RSPO4: variants seen among roughly 807,000 people sequenced by gnomAD.
The protein encoded by RSPO4 is R-spondin 4.
Under a neutral mutation model 24.8 loss-of-function variants are expected in RSPO4, and 23 were observed. The observed-to-expected ratio is 0.93, with a 90% confidence interval of 0.67 to 1.31. The LOEUF (loss-of-function observed/expected upper bound fraction) is 1.31. Ranked by LOEUF, RSPO4 falls within the 40% of genes most tolerant of loss-of-function variation. The pLI is 0.00. For synonymous variants in RSPO4, 141 were observed against 127.4 expected, an observed-to-expected ratio of 1.11 and a Z score of -0.72; for missense variants, 333 against 316.5, an observed-to-expected ratio of 1.05 and a Z score of -0.39.
At chr20:979,613 G>T (rs1386090166) in intron 1 of RSPO4, among the ~76,000 whole-genome samples, 47 of 151,934 alleles carry the variant, frequency 3.1e-4, no homozygotes, top group Admixed American at 3.1e-3. Flanking sequence ...CCCAAGATAT[G>T]TAAGCCCTGG....
chr20:982,852 G>A (rs919815717), intron 1 of RSPO4, among the ~76,000 whole-genome samples: 3 of 152,244 alleles, frequency 2.0e-5, no homozygotes, highest in Non-Finnish European at 4.4e-5. Flanking sequence ...GATGGTAGCA[G>A]AGGCCTCTCG....
intron 3 of RSPO4, among the ~76,000 whole-genome samples, 193 bp downstream of exon 3, chr20:966,981 C>T (rs373165677): frequency 1.7e-4 from 26 of 152,346 alleles, no homozygotes; most frequent in South Asian, 1.7e-3. Context: ...ATAGTAATGG[C>T]GGTTATGTTG....
intron 1 of RSPO4, among the ~76,000 whole-genome samples, chr20:975,156 G>A (rs1281901444): frequency 6.6e-6 from 1 of 152,162 alleles, no homozygotes; most frequent in Non-Finnish European, 1.5e-5. Flanking sequence ...CGGTGGAGCA[G>A]CGCTGCTTTG....
chr20:989,224 G>T (rs1445131235), intron 1 of RSPO4, among the ~76,000 whole-genome samples: 3 of 152,112 alleles, frequency 2.0e-5, no homozygotes, highest in Non-Finnish European at 4.4e-5. Context: ...CCCAGCCCCT[G>T]GAAGTAGAGA....
rs1555795870 is a variant in RSPO4, at chr20:970,843, G to GT, written c.80-2706dup. Among the ~76,000 whole-genome samples the GT allele has an allele frequency of 6.6e-6, 1 of 152,004 alleles. No homozygotes were observed. The highest frequency in any genetic ancestry group is 1.9e-4 in the East Asian group (1 of 5,194). On this transcript the variant is annotated intron_variant, in intron 1 of 4. Transcript: ENST00000217260. The surrounding 1 kb of genome is among the most constrained non-coding windows in gnomAD (Gnocchi z 4.1). The stretch of plus-strand genomic sequence containing the variant: ...TCTTTTTGTGTTAAAAAGTTTTTTT[G>GT]TTTGTTTTGTTTTGTTAAGACAGGA...
At chr20:995,860 T>C (rs540523970) in intron 1 of RSPO4, among the ~76,000 whole-genome samples, 8 of 152,308 alleles carry the variant, frequency 5.3e-5, no homozygotes, top group Admixed American at 3.3e-4. Context: ...ATGGTATCAG[T>C]AGACACAGTA....
At chr20:994,379 C>T (rs6056485) in intron 1 of RSPO4, among the ~76,000 whole-genome samples, 132,843 of 152,108 alleles carry the variant, frequency 0.87, 58,438 homozygotes, top group East Asian at 1. Flanking sequence ...CCATGATGGC[C>T]CCGTGGCTTG....
chr20:987,055 C>T (rs529430912), intron 1 of RSPO4, among the ~76,000 whole-genome samples: 4 of 152,186 alleles, frequency 2.6e-5, no homozygotes, highest in Non-Finnish European at 5.9e-5. Flanking sequence ...CAGCATTTTA[C>T]AGGAAGTGTC....
At chr20:987,855 A>G (rs1438249334) in intron 1 of RSPO4, among the ~76,000 whole-genome samples, 2 of 152,214 alleles carry the variant, frequency 1.3e-5, no homozygotes, top group Non-Finnish European at 2.9e-5. Context: ...CCTTCCACAG[A>G]TATTTATTGA....
At chr20:989,915 G>T (rs2122259581) in intron 1 of RSPO4, among the ~76,000 whole-genome samples, 1 of 152,352 alleles carries the variant, frequency 6.6e-6, no homozygotes, top group South Asian at 2.1e-4. Context: ...CTAGGCTAAT[G>T]CTGGCTGAGT....
intron 3 of RSPO4, 51 bp downstream of exon 3, chr20:967,123 G>C (rs374882912): frequency 1.3e-6 from 2 of 1,574,586 alleles, no homozygotes; most frequent in Admixed American, 3.4e-5. Flanking sequence ...CCAAGCCCCC[G>C]CTCCAGGGAG....
intron 1 of RSPO4, among the ~76,000 whole-genome samples, chr20:987,689 GC>G (rs1984964207): frequency 6.6e-6 from 1 of 152,184 alleles, no homozygotes; most frequent in African/African-American, 2.4e-5. Context: ...TACTCAGGAG[GC>G]TGAGGTGGGA....
chr20:970,449 A>G lies in RSPO4; in HGVS notation c.80-2311T>C, dbSNP rs1216091917. 1.3e-5 allele frequency among the ~76,000 whole-genome samples: 2 copies of G among 152,096 alleles called. No homozygotes were observed. Among genetic ancestry groups the G allele is most frequent in the African/African-American group, 4.8e-5 (2 of 41,406 alleles). ...GGTCGTACGGAAGCACACAGTAACTAAAGTGTACCCTGGGATGCTGTTCCC... is the reference window on the plus strand; with the variant it reads ...GGTCGTACGGAAGCACACAGTAACTGAAGTGTACCCTGGGATGCTGTTCCC... On this transcript the variant is annotated intron_variant, in intron 1 of 4. Coordinates refer to ENST00000217260, the MANE Select transcript of RSPO4 (RefSeq NM_001029871.4). This position sits in a 1 kb window ranked among gnomAD's most constrained non-coding sequence, Gnocchi z 4.1.
At chr20:979,240 T>C (rs1984661511) in intron 1 of RSPO4, among the ~76,000 whole-genome samples, 1 of 152,164 alleles carries the variant, frequency 6.6e-6, no homozygotes, top group South Asian at 2.1e-4. Flanking sequence ...ATCCTCCATG[T>C]TCCCCATCTG....
chr20:968,837 G>GA (rs970617076), intron 1 of RSPO4, among the ~76,000 whole-genome samples: 2 of 152,188 alleles, frequency 1.3e-5, no homozygotes, highest in Admixed American at 1.3e-4. Context: ...TTTTTAAGGA[G>GA]AAAATTTTTT....
intron 1 of RSPO4, among the ~76,000 whole-genome samples, 199 bp downstream of exon 1, chr20:1,001,887 T>C (rs1985475743): frequency 6.6e-6 from 1 of 152,116 alleles, no homozygotes; most frequent in Non-Finnish European, 1.5e-5. Flanking sequence ...TGGCCCACCC[T>C]ACTCAATGGC....
At chr20:967,380 C>T in intron 2 of RSPO4, 66 bp from the exon 3 acceptor site, 1 of 1,578,566 alleles carries the variant, frequency 6.3e-7, no homozygotes, top group Non-Finnish European at 8.7e-7. Flanking sequence ...CTGGGTCTGC[C>T]CGAGGTGGAA....
chr20:996,834 C>G (rs73604104), intron 1 of RSPO4, among the ~76,000 whole-genome samples: 10,625 of 151,246 alleles, frequency 0.07, 418 homozygotes, highest in East Asian at 0.14. Flanking sequence ...GCCACGCAGT[C>G]CCTTGTCCCC....
Position 1,000,148 on chromosome 20 carries a change from C to A in RSPO4, c.79+1938G>T, listed in dbSNP as rs370087606. ...CCTCCCAAAGTGCTGGTATTACAGG[C>A]GTGAGCCACCACACCTGGCCTAAAC... is the stretch of plus-strand genomic sequence containing the variant. On this transcript the variant is annotated intron_variant, in intron 1 of 4. Coordinates refer to ENST00000217260, the MANE Select transcript of RSPO4 (RefSeq NM_001029871.4). Among the ~76,000 whole-genome samples the A allele has an allele frequency of 3.9e-4, 60 of 152,218 alleles. 1 individual carries two copies. The South Asian group carries it at 6.6e-3, about 17-fold the overall frequency.
Sources: gnomAD v4.1 joint callset for allele counts (sites outside exome capture counted in the v4.1 genomes callset) on GRCh38, gnomAD v4.1.1 for gene constraint, Gnocchi (gnomAD v3.1) non-coding constraint, MANE v1.5 for transcripts, NCBI Gene and HGNC (gene_info 2026-07-23, HGNC 2026-07-21) for gene names.